CHRM3: variants seen among roughly 807,000 people sequenced by gnomAD.
CHRM3 encodes the protein muscarinic acetylcholine receptor M3.
Under a neutral mutation model 41.8 loss-of-function variants are expected in CHRM3, and 11 were observed. The observed-to-expected ratio is 0.26, with a 90% confidence interval of 0.17 to 0.44. The LOEUF (loss-of-function observed/expected upper bound fraction) is 0.44, where lower values mean the gene tolerates loss of function less well. CHRM3 is among the 20% of genes least tolerant of loss of function. The pLI is 1.00. For missense variants in CHRM3, 571 were observed against 745.4 expected, an observed-to-expected ratio of 0.77 and a Z score of 2.72; for synonymous variants, 297 against 301.4, an observed-to-expected ratio of 0.99 and a Z score of 0.15.
chr1:239,432,641 AATGTG>A (rs765448928), intron 1 of CHRM3, among the ~76,000 whole-genome samples: 5 of 152,224 alleles, frequency 3.3e-5, no homozygotes, highest in Non-Finnish European at 7.3e-5. Context: ...ATTATATGAA[AATGTG>A]ATGTGATAAT....
intron 1 of CHRM3, among the ~76,000 whole-genome samples, chr1:239,461,820 C>G (rs539921115): frequency 6.6e-6 from 1 of 152,030 alleles, no homozygotes; most frequent in Non-Finnish European, 1.5e-5. Context: ...CTCCTGTCTC[C>G]TCTGGGGACA....
intron 3 of CHRM3, among the ~76,000 whole-genome samples, chr1:239,557,480 T>C (rs990688132): frequency 3.3e-5 from 5 of 152,184 alleles, no homozygotes; most frequent in Admixed American, 3.3e-4. Flanking sequence ...CAGACACTTA[T>C]TTTATTTTAT....
At chr1:239,548,182 G>T (rs1439412893) in intron 3 of CHRM3, among the ~76,000 whole-genome samples, 1 of 152,112 alleles carries the variant, frequency 6.6e-6, no homozygotes, top group Non-Finnish European at 1.5e-5. Context: ...TTTAGTGGGT[G>T]ACATTTTCCA....
chr1:239,525,046 T>A (rs1572596888), intron 2 of CHRM3, among the ~76,000 whole-genome samples: 1 of 152,320 alleles, frequency 6.6e-6, no homozygotes, highest in African/African-American at 2.4e-5. Flanking sequence ...GCCTCATTTT[T>A]GTTATACAAA....
At chr1:239,452,527 T>C (rs1664627979) in intron 1 of CHRM3, among the ~76,000 whole-genome samples, 1 of 152,236 alleles carries the variant, frequency 6.6e-6, no homozygotes, top group Non-Finnish European at 1.5e-5. Flanking sequence ...ATATCAATTT[T>C]CACTGTAACC....
At chr1:239,723,539 G>T (rs576094589) in intron 5 of CHRM3, among the ~76,000 whole-genome samples, 1 of 151,910 alleles carries the variant, frequency 6.6e-6, no homozygotes, top group East Asian at 2.0e-4. Context: ...CTCCCATATG[G>T]CTATTACTAA....
At chr1:239,653,682 T>G (rs916299524) in intron 4 of CHRM3, among the ~76,000 whole-genome samples, 8 of 152,140 alleles carry the variant, frequency 5.3e-5, no homozygotes, top group African/African-American at 1.9e-4. Flanking sequence ...ACACATCCAC[T>G]TAAAGAGCAA....
intron 5 of CHRM3, among the ~76,000 whole-genome samples, chr1:239,779,290 G>A (rs1428455786): frequency 6.6e-6 from 1 of 152,138 alleles, no homozygotes; most frequent in Non-Finnish European, 1.5e-5. Flanking sequence ...GTGTGTAATT[G>A]TGACAAGAGA....
rs887716104 is a variant in CHRM3 at position 239,882,485 on chromosome 1, G to A, written c.-19-24948G>A. 4.1e-4 allele frequency among the ~76,000 whole-genome samples: 63 copies of A among 151,892 alleles called. 1 individual carries two copies. Among genetic ancestry groups the A allele is most frequent in the Middle Eastern group, 3.2e-3 (1 of 316 alleles). ...ATACTTTTAACGTCTTTTAATCCCC[G>A]CACAATCCTATGAGATAGGTGCTGT... On this transcript the variant is annotated intron_variant, in intron 6 of 6. Coordinates refer to ENST00000676153, the MANE Select transcript of CHRM3 (RefSeq NM_001375978.1).
intron 5 of CHRM3, among the ~76,000 whole-genome samples, chr1:239,710,850 G>T (rs116423063): frequency 6.6e-6 from 1 of 151,562 alleles, no homozygotes; most frequent in Admixed American, 6.6e-5. Context: ...TCACCACACC[G>T]CAAACAACCT....
chr1:239,514,465 A>C (rs947076722), intron 2 of CHRM3, among the ~76,000 whole-genome samples: 17 of 152,050 alleles, frequency 1.1e-4, no homozygotes, highest in African/African-American at 4.1e-4. Context: ...ACTGACTTTT[A>C]TATATTAATC....
intron 2 of CHRM3, among the ~76,000 whole-genome samples, chr1:239,508,223 T>C (rs915418385): frequency 6.6e-6 from 1 of 152,224 alleles, no homozygotes; most frequent in Non-Finnish European, 1.5e-5. Flanking sequence ...TTAAGAATAG[T>C]TACTAACTGA....
intron 3 of CHRM3, among the ~76,000 whole-genome samples, chr1:239,604,765 C>T (rs1015251424): frequency 1.3e-5 from 2 of 152,120 alleles, no homozygotes; most frequent in Non-Finnish European, 2.9e-5. Context: ...GATTTGCAGC[C>T]ATTGCAGATA....
chr1:239,613,778 G>A (rs773113471), intron 3 of CHRM3, among the ~76,000 whole-genome samples: 1 of 151,778 alleles, frequency 6.6e-6, no homozygotes, highest in Non-Finnish European at 1.5e-5. Flanking sequence ...CACCTTCTGT[G>A]TCTCTGTTTC....
At chr1:239,392,261 C>T (rs1481626026) in intron 1 of CHRM3, among the ~76,000 whole-genome samples, 1 of 152,282 alleles carries the variant, frequency 6.6e-6, no homozygotes, top group Non-Finnish European at 1.5e-5. Context: ...GTGCCCGGTT[C>T]CACTTGACAA....
intron 1 of CHRM3, among the ~76,000 whole-genome samples, chr1:239,396,405 G>A (rs775446694): frequency 1.3e-5 from 2 of 152,034 alleles, no homozygotes; most frequent in Non-Finnish European, 2.9e-5. Context: ...GAGGCCAGAA[G>A]TTGAAGACCA....
At chr1:239,860,213 T>C (rs1317743198) in intron 6 of CHRM3, among the ~76,000 whole-genome samples, 2 of 152,208 alleles carry the variant, frequency 1.3e-5, no homozygotes, top group Non-Finnish European at 2.9e-5. Context: ...GTCTGTGACC[T>C]TAGGCAATTC....
At chr1:239,464,892 T>A (rs532250736) in intron 1 of CHRM3, among the ~76,000 whole-genome samples, 2 of 152,286 alleles carry the variant, frequency 1.3e-5, no homozygotes, top group African/African-American at 4.8e-5. Context: ...ATGTTCCCTG[T>A]GCTTCCTAAA....
intron 3 of CHRM3, among the ~76,000 whole-genome samples, chr1:239,567,713 G>T (rs945886645): frequency 3.3e-5 from 5 of 152,164 alleles, no homozygotes; most frequent in Non-Finnish European, 7.3e-5. Context: ...AGCATGGAGA[G>T]CACATTATTG....
Sources: allele counts gnomAD v4.1 joint callset (sites outside exome capture counted in the v4.1 genomes callset), GRCh38; gene constraint gnomAD v4.1.1; transcripts MANE v1.5; gene names NCBI Gene and HGNC (gene_info 2026-07-23, HGNC 2026-07-21).